Variants in ZNF280C observed in about 807,000 individuals in gnomAD.
The protein encoded by ZNF280C is zinc finger protein 280C, also known as suppressor of hairy wing homolog 3.
In ZNF280C, 14 loss-of-function variants were observed where a neutral mutation model predicts 53.6. That is an observed-to-expected ratio of 0.26 (90% CI 0.17 to 0.41). ZNF280C has a LOEUF of 0.41. ZNF280C is among the 10% of genes least tolerant of loss of function. The pLI is 1.00. For missense variants in ZNF280C, 416 were observed against 547.1 expected (o/e 0.76, Z 2.39); for synonymous variants, 203 against 181.1 (o/e 1.12, Z -0.97).
At chrX:130,263,423 G>A (rs184065609) in intron 1 of ZNF280C, among the ~76,000 whole-genome samples, 87 of 112,229 alleles carry the variant, frequency 7.8e-4, no homozygotes, top group Non-Finnish European at 1.3e-3. Context: ...TGGGCCTTGA[G>A]AACATTATAC....
intron 2 of ZNF280C, among the ~76,000 whole-genome samples, chrX:130,255,725 C>A (rs28604965): frequency 0.022 from 2,455 of 111,484 alleles, 72 homozygotes; most frequent in African/African-American, 0.076. Context: ...GAGGCCAAGG[C>A]AGGTGGATCA....
intron 10 of ZNF280C, among the ~76,000 whole-genome samples, chrX:130,228,250 T>C (rs751304058): frequency 8.0e-5 from 9 of 112,709 alleles, no homozygotes; most frequent in South Asian, 7.2e-4. Context: ...TTTCCACTAA[T>C]GAATTGTTTA....
At chrX:130,228,101 G>A (rs1025207470) in intron 10 of ZNF280C, among the ~76,000 whole-genome samples, 4 of 111,416 alleles carry the variant, frequency 3.6e-5, no homozygotes, top group Admixed American at 2.9e-4. Context: ...AAATTTGTCC[G>A]CGTCTCAGAC....
At chrX:130,232,893 G>C (rs1279673733) in intron 8 of ZNF280C, among the ~76,000 whole-genome samples, 3 of 111,538 alleles carry the variant, frequency 2.7e-5, no homozygotes, top group African/African-American at 9.8e-5. Context: ...CATGTAGGTA[G>C]ACTTCATTGC....
intron 12 of ZNF280C, among the ~76,000 whole-genome samples, chrX:130,224,361 G>A (rs1312975993): frequency 9.0e-6 from 1 of 111,580 alleles, no homozygotes; most frequent in African/African-American, 3.3e-5. Flanking sequence ...ATAAGTGCTT[G>A]TTGTTTAAGC....
intron 15 of ZNF280C, among the ~76,000 whole-genome samples, chrX:130,211,261 G>A (rs2032037391): frequency 8.9e-6 from 1 of 112,478 alleles, no homozygotes; most frequent in South Asian, 3.7e-4. Flanking sequence ...AGAAAGGAAT[G>A]ATTCTTGTGA....
intron 1 of ZNF280C, among the ~76,000 whole-genome samples, chrX:130,265,976 T>G (rs1427478016): frequency 8.9e-6 from 1 of 111,995 alleles, no homozygotes; most frequent in Admixed American, 9.5e-5. Flanking sequence ...GGATTTCTTT[T>G]CACTTAAAAC....
At chrX:130,235,712 C>T (rs1301392406) in intron 8 of ZNF280C, among the ~76,000 whole-genome samples, 2 of 111,893 alleles carry the variant, frequency 1.8e-5, no homozygotes, top group South Asian at 3.7e-4. Flanking sequence ...CATGTCTCTG[C>T]GTTGGCAATA....
At chrX:130,239,744 T>A in intron 5 of ZNF280C, 51 bp from the exon 6 acceptor site, 1 of 704,283 alleles carries the variant, frequency 1.4e-6, no homozygotes, top group South Asian at 2.5e-5. Context: ...AGAGATAAAT[T>A]TAGCTGTATG....
chrX:130,242,515 T>C (rs760913633), intron 5 of ZNF280C, among the ~76,000 whole-genome samples: 56 of 112,043 alleles, frequency 5.0e-4, no homozygotes, highest in Admixed American at 3.0e-3. Flanking sequence ...GCATTATTCA[T>C]GTTGCAATAC....
At chrX:130,227,872 T>C (rs780844607) in intron 10 of ZNF280C, 90 bp from the exon 11 acceptor site, 4 of 498,784 alleles carry the variant, frequency 8.0e-6, no homozygotes, top group Admixed American at 6.9e-5. Flanking sequence ...ATAATAATAG[T>C]AGAAGTAACA....
intron 10 of ZNF280C, among the ~76,000 whole-genome samples, chrX:130,228,542 C>CAA (rs2032244317): frequency 9.1e-6 from 1 of 110,163 alleles, no homozygotes; most frequent in Non-Finnish European, 1.9e-5. Flanking sequence ...CTCGGCTTCC[C>CAA]AGAGTGCTGG....
At chrX:130,229,251 C>T (rs1222110549) in intron 9 of ZNF280C, 117 bp from the exon 10 acceptor site, 10 of 695,848 alleles carry the variant, frequency 1.4e-5, no homozygotes, top group Non-Finnish European at 1.9e-5. Context: ...AAAATAACAT[C>T]TCCAAGGCCT....
chrX:130,242,220 G>A (rs1202980749), intron 5 of ZNF280C, among the ~76,000 whole-genome samples: 1 of 109,628 alleles, frequency 9.1e-6, no homozygotes, highest in Non-Finnish European at 1.9e-5. Context: ...TCCCACCTGG[G>A]AGACAGAGCA....
Position 130,209,639 on chromosome X carries a change from A to G in ZNF280C, c.2042+14T>C. 5 of 1,190,505 alleles carry G rather than the reference A, an allele frequency of 4.2e-6. No homozygotes were observed. Among genetic ancestry groups the G allele is most frequent in the Non-Finnish European group, 5.7e-6 (5 of 879,644 alleles). Reference sequence around the variant, plus strand: ...ATATTTCAATTGAAAGAAAAAAAAAAGATCAATGATTACCTGAGAGTTCCT... The same window carrying G: ...ATATTTCAATTGAAAGAAAAAAAAAGGATCAATGATTACCTGAGAGTTCCT... On this transcript the variant is annotated intron_variant, in intron 16 of 18. Coordinates refer to ENST00000370978, the MANE Select transcript of ZNF280C (RefSeq NM_017666.5).
intron 13 of ZNF280C, among the ~76,000 whole-genome samples, chrX:130,218,987 A>G (rs751491103): frequency 3.7e-4 from 41 of 111,925 alleles, no homozygotes; most frequent in African/African-American, 1.3e-3. Context: ...CATGGAACAA[A>G]TGGATTGCAG....
At chrX:130,238,912 T>C (rs957320032) in intron 6 of ZNF280C, among the ~76,000 whole-genome samples, 6 of 111,494 alleles carry the variant, frequency 5.4e-5, no homozygotes, top group Non-Finnish European at 1.1e-4. Context: ...ATATAGAGAA[T>C]AGTAATTGCT....
chrX:130,234,777 T>C (rs2032314061), intron 8 of ZNF280C, among the ~76,000 whole-genome samples: 2 of 111,739 alleles, frequency 1.8e-5, no homozygotes, highest in African/African-American at 6.5e-5. Context: ...ATATTTTAAG[T>C]GGCGTGTTAC....
chrX:130,220,855 T>A (rs1329093326), intron 12 of ZNF280C, among the ~76,000 whole-genome samples: 1 of 111,259 alleles, frequency 9.0e-6, no homozygotes, highest in African/African-American at 3.2e-5. Flanking sequence ...CCAAGAGAAA[T>A]TTGCACTTGC....
Sources: allele counts gnomAD v4.1 joint callset (sites outside exome capture counted in the v4.1 genomes callset), GRCh38; gene constraint gnomAD v4.1.1; transcripts MANE v1.5; gene names NCBI Gene and HGNC (gene_info 2026-07-23, HGNC 2026-07-21).